The following PCDH7 variants were observed in gnomAD, a reference collection of about 807,000 sequenced individuals.
The protein encoded by PCDH7 is protocadherin 7, also known as protocadherin-7.
In PCDH7, 17 loss-of-function variants were observed where a neutral mutation model predicts 58.9. That is an observed-to-expected ratio of 0.29 (90% confidence interval 0.20 to 0.43). PCDH7 has a LOEUF of 0.43. PCDH7 is among the 20% of genes least tolerant of loss of function. The probability of loss-of-function intolerance (pLI) is 1.00; values close to 1 mark genes in which losing one functional copy is unlikely to be tolerated. For synonymous variants in PCDH7, 664 were observed against 616.4 expected, an observed-to-expected ratio of 1.08 and a Z score of -1.14; for missense variants, 1,274 against 1,441.0, an observed-to-expected ratio of 0.88 and a Z score of 1.88.
chr4:31,019,111 A>T (rs78945639), intron 3 of PCDH7, among the ~76,000 whole-genome samples: 2,795 of 152,236 alleles, frequency 0.018, 32 homozygotes, highest in Non-Finnish European at 0.026. Context: ...CTAAGAAGGG[A>T]ATTAGTACTC....
intron 1 of PCDH7, among the ~76,000 whole-genome samples, chr4:30,779,004 T>C (rs985186734): frequency 7.6e-5 from 3 of 39,682 alleles, no homozygotes; most frequent in Non-Finnish European, 1.3e-4. Flanking sequence ...CCTTACTCCG[T>C]TTTTTTTTTT....
intron 1 of PCDH7, among the ~76,000 whole-genome samples, chr4:30,752,807 GAA>G (rs796962146): frequency 3.1e-5 from 4 of 127,346 alleles, no homozygotes; most frequent in African/African-American, 8.7e-5. Context: ...AAAAAAGAAA[GAA>G]AAAGAAAAAA....
Position 30,890,330 on chromosome 4 carries a change from G to GA in PCDH7, c.71-29817dup, listed in dbSNP as rs1221318651. Among the ~76,000 whole-genome samples the GA allele has an allele frequency of 3.3e-5, 5 of 152,002 alleles. No homozygotes were observed. The East Asian group carries it at 5.8e-4, about 18-fold the overall frequency. On this transcript the variant is annotated intron_variant, in intron 1 of 3. Transcript: ENST00000509759. ...GAAGGATTCTGAAGTTGAGGTGATA[G>GA]AAAAAATACCTTACACACTTAATAT...
exon 2 of PCDH7, chr4:30,731,250 GAT>G (rs1715447873): frequency 3.3e-6 from 2 of 612,702 alleles, no homozygotes; most frequent in Non-Finnish European, 4.1e-6. Flanking sequence ...AGGCCTGTCA[GAT>G]AGTTTTGTTA....
intron 1 of PCDH7, among the ~76,000 whole-genome samples, chr4:30,844,926 G>A (rs903616380): frequency 1.3e-5 from 2 of 152,120 alleles, no homozygotes; most frequent in Non-Finnish European, 2.9e-5. Flanking sequence ...GAAAATCTGT[G>A]TATGATTTTG....
intron 3 of PCDH7, among the ~76,000 whole-genome samples, chr4:31,099,919 TA>T (rs1273063926): frequency 1.4e-4 from 21 of 148,372 alleles, no homozygotes; most frequent in Admixed American, 4.0e-4. Flanking sequence ...ATCTTTACAT[TA>T]AAAGCATTTA....
chr4:30,889,329 T>C (rs1738294690), intron 1 of PCDH7, among the ~76,000 whole-genome samples: 1 of 150,168 alleles, frequency 6.7e-6, no homozygotes, highest in African/African-American at 2.5e-5. Context: ...CCTACTGGTT[T>C]TGTTACAAAA....
chr4:30,949,537 A>G (rs1747114512), intron 2 of PCDH7, among the ~76,000 whole-genome samples: 1 of 152,184 alleles, frequency 6.6e-6, no homozygotes, highest in African/African-American at 2.4e-5. Context: ...TATAATTAAA[A>G]CATGAACATT....
chr4:31,052,789 C>T (rs28602887), intron 3 of PCDH7, among the ~76,000 whole-genome samples: 5,759 of 152,202 alleles, frequency 0.038, 390 homozygotes, highest in African/African-American at 0.13. Flanking sequence ...GTAGGAATCA[C>T]TTGTGTGAGA....
intron 3 of PCDH7, among the ~76,000 whole-genome samples, chr4:31,064,662 T>C (rs767478456): frequency 1.6e-4 from 25 of 152,078 alleles, no homozygotes; most frequent in Non-Finnish European, 3.1e-4. Context: ...CCTCACGTGA[T>C]GTTCACCCTG....
intron 3 of PCDH7, among the ~76,000 whole-genome samples, chr4:31,064,411 G>A (rs773263557): frequency 3.8e-4 from 58 of 152,026 alleles, no homozygotes; most frequent in Non-Finnish European, 6.0e-4. Flanking sequence ...TTTGTATGTG[G>A]CAACAAAATG....
At chr4:30,965,978 T>A (rs1286551070) in intron 3 of PCDH7, among the ~76,000 whole-genome samples, 3 of 152,130 alleles carry the variant, frequency 2.0e-5, no homozygotes, top group African/African-American at 7.2e-5. Flanking sequence ...TCTTTTGGAA[T>A]TTTCAGGATA....
At chr4:30,743,183 G>GA (rs903259680) in intron 1 of PCDH7, among the ~76,000 whole-genome samples, 1 of 151,970 alleles carries the variant, frequency 6.6e-6, no homozygotes, top group Non-Finnish European at 1.5e-5. Flanking sequence ...TTTTCCTAAG[G>GA]AAAAAAATAG....
intron 3 of PCDH7, among the ~76,000 whole-genome samples, chr4:31,035,998 G>A (rs1036059444): frequency 5.3e-5 from 8 of 152,090 alleles, no homozygotes; most frequent in African/African-American, 1.9e-4. Flanking sequence ...ATGTTGTCTG[G>A]GTTAATATGC....
chr4:31,032,220 C>T (rs371664741), intron 3 of PCDH7, among the ~76,000 whole-genome samples: 18 of 152,278 alleles, frequency 1.2e-4, no homozygotes, highest in South Asian at 6.2e-4. Flanking sequence ...ATAAATTATA[C>T]GCAAGATCAT....
chr4:30,973,054 T>C (rs1749744750), intron 3 of PCDH7, among the ~76,000 whole-genome samples: 1 of 152,124 alleles, frequency 6.6e-6, no homozygotes, highest in African/African-American at 2.4e-5. Flanking sequence ...GATGAGGAAA[T>C]AAGACATACA....
rs552124673 is a variant in PCDH7, at chr4:30,950,785, G to A, written c.*7+570G>A. ...TAATTACTTTCTGCAACTTTCTTTC[G>A]TCAACTCAGCTGGTGGCATTTGAGG... On this transcript the variant is annotated intron_variant, in intron 3 of 3. Coordinates refer to the PCDH7 transcript ENST00000509759. Among the ~76,000 whole-genome samples the A allele has an allele frequency of 1.1e-4, 16 of 152,182 alleles. No homozygotes were observed. In the East Asian group the frequency reaches 1.7e-3, roughly 17 times the overall value.
intron 1 of PCDH7, among the ~76,000 whole-genome samples, chr4:30,829,588 A>G (rs1410636538): frequency 6.6e-6 from 1 of 152,076 alleles, no homozygotes; most frequent in Non-Finnish European, 1.5e-5. Flanking sequence ...ATGCAGCCCT[A>G]TTTCATGAAG....
At chr4:30,888,720 C>A (rs11724560) in intron 1 of PCDH7, among the ~76,000 whole-genome samples, 26,058 of 151,800 alleles carry the variant, frequency 0.17, 2,307 homozygotes, top group African/African-American at 0.21. Context: ...ATTTGTTTCC[C>A]GGTAACTGGG....
Sources: gnomAD v4.1 joint callset for allele counts (sites outside exome capture counted in the v4.1 genomes callset) on GRCh38, gnomAD v4.1.1 for gene constraint, MANE v1.5 for transcripts, NCBI Gene and HGNC (gene_info 2026-07-23, HGNC 2026-07-21) for gene names.